CDC73: variants seen among roughly 807,000 people sequenced by gnomAD.
CDC73 encodes the protein cell division cycle 73.
In CDC73, 21 loss-of-function variants were observed where a neutral mutation model predicts 83.7. The ratio of observed to expected loss-of-function variants is 0.25; its 90% CI spans 0.18 to 0.36. The LOEUF (loss-of-function observed/expected upper bound fraction) is 0.36, where lower values mean the gene tolerates loss of function less well. CDC73 is among the 10% of genes least tolerant of loss of function. The pLI, the probability that CDC73 is intolerant of heterozygous loss-of-function variation, is 1.00. For synonymous variants in CDC73, 224 were observed against 212.9 expected, an observed-to-expected ratio of 1.05 and a Z score of -0.45; for missense variants, 342 against 653.3, an observed-to-expected ratio of 0.52 and a Z score of 5.19.
At chr1:193,154,022 A>G (rs951832256) in intron 10 of CDC73, among the ~76,000 whole-genome samples, 3 of 152,208 alleles carry the variant, frequency 2.0e-5, no homozygotes, top group Non-Finnish European at 4.4e-5. Flanking sequence ...CTCCCATCTT[A>G]TGCGATCTGC....
intron 10 of CDC73, among the ~76,000 whole-genome samples, chr1:193,156,687 T>C (rs142585684): frequency 6.6e-6 from 1 of 152,274 alleles, no homozygotes; most frequent in Non-Finnish European, 1.5e-5. Context: ...TAATTTGTTG[T>C]TCATCTCTGC....
At chr1:193,181,236 A>G in intron 10 of CDC73, 1 of 1,614,046 alleles carries the variant, frequency 6.2e-7, no homozygotes, top group Non-Finnish European at 8.5e-7. Context: ...CCAGGCCTGT[A>G]ACTCCTTGTG....
chr1:193,243,181 C>A (rs1226944689), intron 15 of CDC73, among the ~76,000 whole-genome samples: 1 of 152,128 alleles, frequency 6.6e-6, no homozygotes, highest in African/African-American at 2.4e-5. Flanking sequence ...ACCTCAGGAT[C>A]CGCTCTCCTT....
chr1:193,248,613 T>C (rs1677992661), intron 15 of CDC73, among the ~76,000 whole-genome samples: 1 of 152,012 alleles, frequency 6.6e-6, no homozygotes, highest in Admixed American at 6.6e-5. Context: ...ATTAAGAACA[T>C]TTGTGATTAA....
In CDC73 at chr1:193,164,971, A is replaced by C. The variant is rs189079142; in HGVS notation, c.972+12527A>C. ...ATAGACTGACCTTTCTGCACGTTTG[A>C]GCTGTAAATTTAGGATTAGTCACAT... is the stretch of plus-strand genomic sequence containing the variant. On this transcript the variant is annotated intron_variant, in intron 10 of 16. Transcript: ENST00000367435. 1.6e-3 allele frequency among the ~76,000 whole-genome samples: 247 copies of C among 152,284 alleles called. 1 individual carries two copies. The highest frequency in any genetic ancestry group is 5.8e-3 in the African/African-American group (239 of 41,548).
intron 7 of CDC73, 117 bp from the exon 8 acceptor site, chr1:193,147,750 C>A: frequency 1.4e-6 from 1 of 709,858 alleles, no homozygotes; most frequent in South Asian, 1.6e-5. Flanking sequence ...ATAATGATAC[C>A]TTATGACATA....
intron 11 of CDC73, among the ~76,000 whole-genome samples, chr1:193,207,792 G>T (rs1313978045): frequency 6.6e-6 from 1 of 152,190 alleles, no homozygotes. Context: ...TAGTGGTCCT[G>T]AGGTGACATA....
chr1:193,124,611 G>A (rs1323868308), intron 1 of CDC73, among the ~76,000 whole-genome samples: 1 of 152,140 alleles, frequency 6.6e-6, no homozygotes, highest in Non-Finnish European at 1.5e-5. Context: ...TACATTATTG[G>A]TCTAATTTGA....
chr1:193,132,708 G>GT (rs1168378681), intron 3 of CDC73, among the ~76,000 whole-genome samples: 4 of 151,034 alleles, frequency 2.6e-5, no homozygotes, highest in South Asian at 4.2e-4. Context: ...GAAAATAGTG[G>GT]TTTTTTTTGT....
chr1:193,165,034 G>A (rs1180224040), intron 10 of CDC73, among the ~76,000 whole-genome samples: 2 of 152,272 alleles, frequency 1.3e-5, no homozygotes, highest in South Asian at 4.1e-4. Flanking sequence ...GAAGAGCAGG[G>A]ATTTCCTGCT....
At chr1:193,182,032 A>G (rs1035074144) in intron 10 of CDC73, among the ~76,000 whole-genome samples, 1 of 152,192 alleles carries the variant, frequency 6.6e-6, no homozygotes, top group African/African-American at 2.4e-5. Context: ...AAACGCCTTA[A>G]GAGCAGATGG....
At chr1:193,154,144 C>G (rs539902399) in intron 10 of CDC73, among the ~76,000 whole-genome samples, 59 of 152,338 alleles carry the variant, frequency 3.9e-4, no homozygotes, top group African/African-American at 1.4e-3. Flanking sequence ...AATCATTTCC[C>G]TAAGTGCGAC....
At chr1:193,176,660 A>G (rs566911855) in intron 10 of CDC73, among the ~76,000 whole-genome samples, 1 of 152,124 alleles carries the variant, frequency 6.6e-6, no homozygotes, top group South Asian at 2.1e-4. Flanking sequence ...GTCAATAGGA[A>G]TTTTTTTTCT....
Position 193,130,052 on chromosome 1 carries a change from G to A in CDC73, c.238-122G>A, listed in dbSNP as rs187066112. The A allele has an allele frequency of 1.2e-4, 79 of 649,802 alleles. No homozygotes were observed. The East Asian group carries it at 2.1e-3, about 17-fold the overall frequency. The allele number at this position is 649,802 out of a possible 1,614,324, so 40.3% of individuals were successfully genotyped here. On this transcript the variant is annotated intron_variant, in intron 2 of 16. Coordinates refer to ENST00000367435, the MANE Select transcript of CDC73 (RefSeq NM_024529.5). Reference sequence around the variant, plus strand: ...TTTAGCCTAGTCATTTTTTACAAATGTGATTTAAAATACGTTTTTTCAAGA... The same window carrying A: ...TTTAGCCTAGTCATTTTTTACAAATATGATTTAAAATACGTTTTTTCAAGA...
At chr1:193,243,379 TTA>T (rs1677896587) in intron 15 of CDC73, among the ~76,000 whole-genome samples, 1 of 152,226 alleles carries the variant, frequency 6.6e-6, no homozygotes, top group East Asian at 1.9e-4. Flanking sequence ...GAGTGAAACT[TTA>T]TATGTTTTTA....
chr1:193,158,419 T>A (rs1404237400), intron 10 of CDC73, among the ~76,000 whole-genome samples: 1 of 151,910 alleles, frequency 6.6e-6, no homozygotes, highest in Non-Finnish European at 1.5e-5. Flanking sequence ...CCTAGAACTT[T>A]GGGAGGCTGA....
chr1:193,202,480 A>C (rs1186242413), intron 10 of CDC73, among the ~76,000 whole-genome samples: 1 of 152,018 alleles, frequency 6.6e-6, no homozygotes, highest in Non-Finnish European at 1.5e-5. Flanking sequence ...ATGCTTGATA[A>C]ATTTTTACAA....
At chr1:193,174,661 G>A (rs564918902) in intron 10 of CDC73, among the ~76,000 whole-genome samples, 25 of 152,096 alleles carry the variant, frequency 1.6e-4, no homozygotes, top group South Asian at 4.2e-4. Context: ...TGTTCCTGGC[G>A]AATCAGATTC....
chr1:193,216,429 G>T (rs150685250), intron 13 of CDC73, among the ~76,000 whole-genome samples: 2 of 152,062 alleles, frequency 1.3e-5, no homozygotes, highest in Non-Finnish European at 2.9e-5. Flanking sequence ...AATGAGTTCC[G>T]AATTTGAATC....
Sources: allele counts gnomAD v4.1 joint callset (sites outside exome capture counted in the v4.1 genomes callset), GRCh38; gene constraint gnomAD v4.1.1; transcripts MANE v1.5; gene names NCBI Gene and HGNC (gene_info 2026-07-23, HGNC 2026-07-21).